Variants in AGBL4 observed in about 807,000 individuals in gnomAD.
AGBL4 encodes AGBL carboxypeptidase 4.
Under a neutral mutation model 66.4 loss-of-function variants are expected in AGBL4, and 58 were observed. That is an observed-to-expected ratio of 0.87 (90% CI 0.71 to 1.09). The LOEUF is 1.09. Ranked by LOEUF, AGBL4 falls within the 50% of genes least tolerant of loss-of-function variation. The pLI is 0.00. For missense variants in AGBL4, 579 were observed against 631.0 expected (o/e 0.92, Z 0.88); for synonymous variants, 234 against 222.9 (o/e 1.05, Z -0.44).
intron 4 of AGBL4, among the ~76,000 whole-genome samples, chr1:49,112,815 A>G (rs1645439597): frequency 6.6e-6 from 1 of 152,184 alleles, no homozygotes; most frequent in African/African-American, 2.4e-5. Flanking sequence ...TGACATTTCC[A>G]GCATGTCTGC....
intron 6 of AGBL4, among the ~76,000 whole-genome samples, chr1:48,710,804 TA>T (rs767785046): frequency 4.6e-5 from 7 of 152,100 alleles, no homozygotes; most frequent in Non-Finnish European, 8.8e-5. Flanking sequence ...CCTACCCCAT[TA>T]CAGATTTTAC....
At chr1:49,920,340 T>A (rs1652081354) in intron 1 of AGBL4, among the ~76,000 whole-genome samples, 1 of 152,148 alleles carries the variant, frequency 6.6e-6, no homozygotes, top group African/African-American at 2.4e-5. Flanking sequence ...AATCTACTCA[T>A]CTGACAAAGG....
chr1:48,902,293 A>G (rs1198271400), intron 5 of AGBL4, among the ~76,000 whole-genome samples: 2 of 152,186 alleles, frequency 1.3e-5, no homozygotes, highest in Non-Finnish European at 2.9e-5. Flanking sequence ...TTTTAAAATA[A>G]AAAACCATAA....
chr1:48,865,322 C>T (rs1275551721), intron 6 of AGBL4, among the ~76,000 whole-genome samples: 1 of 152,160 alleles, frequency 6.6e-6, no homozygotes, highest in Non-Finnish European at 1.5e-5. Context: ...TAATATTTGT[C>T]TGACACATTG....
intron 2 of AGBL4, among the ~76,000 whole-genome samples, chr1:49,787,069 T>C (rs1221131022): frequency 6.6e-6 from 1 of 152,144 alleles, no homozygotes; most frequent in Non-Finnish European, 1.5e-5. Flanking sequence ...AAGTCCCCCC[T>C]GTAACAGTGA....
intron 3 of AGBL4, among the ~76,000 whole-genome samples, chr1:49,485,530 C>A (rs1335099846): frequency 6.6e-6 from 1 of 150,728 alleles, no homozygotes; most frequent in Non-Finnish European, 1.5e-5. Flanking sequence ...ATGGGTGCAG[C>A]ACACCAACAT....
At chr1:49,670,734 G>C (rs1646459776) in intron 3 of AGBL4, among the ~76,000 whole-genome samples, 1 of 152,052 alleles carries the variant, frequency 6.6e-6, no homozygotes, top group African/African-American at 2.4e-5. Flanking sequence ...TTAAATCACT[G>C]GCTAAATACT....
rs577475850 is a variant in AGBL4 at position 49,236,839 on chromosome 1, C to A, written c.377+8931G>T. Among the ~76,000 whole-genome samples, 8 of 152,214 alleles carry A rather than the reference C, an allele frequency of 5.3e-5. No homozygotes were observed. The East Asian group carries it at 1.5e-3, about 29-fold the overall frequency. Reference sequence around the variant, plus strand: ...GGTTTGGTTGTGTCCCCACTCAAATCTCCTCTTGAATTATAATTCCCACAA... The same window carrying A: ...GGTTTGGTTGTGTCCCCACTCAAATATCCTCTTGAATTATAATTCCCACAA... On this transcript the variant is annotated intron_variant, in intron 4 of 13. Coordinates refer to ENST00000371839, the MANE Select transcript of AGBL4 (RefSeq NM_032785.4).
chr1:48,724,134 G>A (rs1369873793), intron 6 of AGBL4, among the ~76,000 whole-genome samples: 21 of 152,218 alleles, frequency 1.4e-4, no homozygotes, highest in Non-Finnish European at 1.5e-4. Context: ...TGTAGGGAGA[G>A]AAGAGAGGAG....
At chr1:48,566,491 A>G (rs573634432) in intron 11 of AGBL4, among the ~76,000 whole-genome samples, 5 of 152,380 alleles carry the variant, frequency 3.3e-5, no homozygotes, top group African/African-American at 1.2e-4. Context: ...CTCTGAAACC[A>G]AAAGACTTTG....
chr1:49,598,665 G>A (rs917673774), intron 3 of AGBL4, among the ~76,000 whole-genome samples: 2 of 152,034 alleles, frequency 1.3e-5, no homozygotes, highest in Non-Finnish European at 2.9e-5. Flanking sequence ...GGGGGTCAGG[G>A]GTCAGGGACC....
intron 6 of AGBL4, among the ~76,000 whole-genome samples, chr1:48,757,307 C>T (rs1185625181): frequency 6.6e-6 from 1 of 152,216 alleles, no homozygotes; most frequent in East Asian, 1.9e-4. Context: ...CCCATCACCA[C>T]TACAAGAACA....
At chr1:49,391,601 G>T (rs112663385) in intron 3 of AGBL4, among the ~76,000 whole-genome samples, 82 of 132,646 alleles carry the variant, frequency 6.2e-4, no homozygotes, top group Non-Finnish European at 1.2e-3. Context: ...TCGCTCTATC[G>T]CCCAGGCTGG....
At chr1:49,665,965 T>A (rs1646357491) in intron 3 of AGBL4, among the ~76,000 whole-genome samples, 2 of 151,304 alleles carry the variant, frequency 1.3e-5, no homozygotes. Flanking sequence ...ACACTAAATC[T>A]TTTTTAAATT....
intron 4 of AGBL4, among the ~76,000 whole-genome samples, chr1:49,152,837 T>C (rs1428749003): frequency 1.3e-5 from 2 of 152,136 alleles, no homozygotes; most frequent in Non-Finnish European, 2.9e-5. Context: ...GTTTAAAAAA[T>C]AAATATAATT....
intron 3 of AGBL4, among the ~76,000 whole-genome samples, chr1:49,290,354 C>T (rs1023720318): frequency 8.5e-5 from 13 of 152,286 alleles, no homozygotes; most frequent in Non-Finnish European, 1.8e-4. Context: ...ACAAGTTCTT[C>T]TCATTTTAGA....
intron 4 of AGBL4, among the ~76,000 whole-genome samples, chr1:49,086,145 G>A (rs758166627): frequency 7.2e-5 from 11 of 151,808 alleles, no homozygotes; most frequent in African/African-American, 1.9e-4. Flanking sequence ...GCCAGGTGGC[G>A]ATAGGCAATA....
At chr1:49,486,605 A>C (rs950385734) in intron 3 of AGBL4, among the ~76,000 whole-genome samples, 1 of 151,808 alleles carries the variant, frequency 6.6e-6, no homozygotes, top group African/African-American at 2.4e-5. Context: ...TCTCTGGTTC[A>C]TTTCCCTCAC....
At chr1:49,065,144 A>G (rs933994625) in intron 4 of AGBL4, among the ~76,000 whole-genome samples, 3 of 152,184 alleles carry the variant, frequency 2.0e-5, no homozygotes, top group Admixed American at 2.0e-4. Context: ...GAGAGATGTG[A>G]TGTGTCCACT....
Sources: allele counts gnomAD v4.1 joint callset (sites outside exome capture counted in the v4.1 genomes callset), GRCh38; gene constraint gnomAD v4.1.1; transcripts MANE v1.5; gene names NCBI Gene and HGNC (gene_info 2026-07-23, HGNC 2026-07-21).